RANBP2: variants seen among roughly 807,000 people sequenced by gnomAD.
RANBP2 encodes RAN binding protein 2.
RANBP2 carries 57 observed loss-of-function variants against 303.6 expected under a neutral mutation model. That is an observed-to-expected ratio of 0.19 (90% CI 0.15 to 0.23). The LOEUF is 0.23. Ranked by LOEUF, RANBP2 falls within the 10% of genes least tolerant of loss-of-function variation. The probability of loss-of-function intolerance (pLI) is 1.00; values close to 1 mark genes in which losing one functional copy is unlikely to be tolerated. For missense variants in RANBP2, 3,138 were observed against 3,780.8 expected, an observed-to-expected ratio of 0.83 and a Z score of 4.46; for synonymous variants, 1,167 against 1,301.5, an observed-to-expected ratio of 0.90 and a Z score of 2.23.
At chr2:109,535,889 G>C in the RANBP2 span, among the ~76,000 whole-genome samples, 1 of 152,190 alleles carries the variant, frequency 6.6e-6, no homozygotes, top group African/African-American at 2.4e-5. Context: ...TTTGCACTGG[G>C]AATAGAACAG....
the RANBP2 span, among the ~76,000 whole-genome samples, chr2:109,335,991 A>T: frequency 6.6e-6 from 1 of 152,200 alleles, no homozygotes. Flanking sequence ...TTGTCGAGAC[A>T]TTCGGGCTGA....
At chr2:109,612,943 G>A in the RANBP2 span, among the ~76,000 whole-genome samples, 2 of 152,210 alleles carry the variant, frequency 1.3e-5, no homozygotes, top group African/African-American at 4.8e-5. Context: ...TCATGTAGGA[G>A]GTTGCTTAGT....
chr2:109,496,751 A>G, the RANBP2 span, among the ~76,000 whole-genome samples: 3 of 151,120 alleles, frequency 2.0e-5, no homozygotes, highest in African/African-American at 7.3e-5. Context: ...AACCCTAAAA[A>G]CTCATGACTA....
At chr2:108,758,727 C>G (rs1312104470) in intron 18 of RANBP2, among the ~76,000 whole-genome samples, 179 bp downstream of exon 18, 2 of 149,132 alleles carry the variant, frequency 1.3e-5, no homozygotes, top group Non-Finnish European at 3.0e-5. Flanking sequence ...TAATCCCAAG[C>G]AGAAAAAACG....
At chr2:109,011,831 G>C in the RANBP2 span, among the ~76,000 whole-genome samples, 1 of 151,928 alleles carries the variant, frequency 6.6e-6, no homozygotes, top group East Asian at 1.9e-4. Context: ...TAATTCTCTA[G>C]TCATTCCTTG....
the RANBP2 span, among the ~76,000 whole-genome samples, chr2:109,086,296 G>T: frequency 6.6e-6 from 1 of 152,116 alleles, no homozygotes; most frequent in Admixed American, 6.5e-5. Context: ...CATTGTAAAG[G>T]CACTTGTTCA....
At chr2:109,635,733 A>G in the RANBP2 span, among the ~76,000 whole-genome samples, 72 of 152,378 alleles carry the variant, frequency 4.7e-4, no homozygotes, top group Middle Eastern at 3.4e-3. Flanking sequence ...CTGTGCCTCA[A>G]AAAGAATTCA....
At chr2:109,274,651 T>C in the RANBP2 span, among the ~76,000 whole-genome samples, 1 of 152,218 alleles carries the variant, frequency 6.6e-6, no homozygotes, top group Non-Finnish European at 1.5e-5. Context: ...GGAGCAGAAT[T>C]ACTTCACGGG....
the RANBP2 span, among the ~76,000 whole-genome samples, chr2:109,043,131 A>G: frequency 6.6e-6 from 1 of 152,204 alleles, no homozygotes; most frequent in African/African-American, 2.4e-5. Flanking sequence ...GCCCACAAGC[A>G]TCTACAGGAG....
At chr2:109,425,888 CT>C in the RANBP2 span, among the ~76,000 whole-genome samples, 2 of 151,876 alleles carry the variant, frequency 1.3e-5, no homozygotes, top group African/African-American at 4.8e-5. Context: ...ACATCTTTTT[CT>C]TTCTTTCTTT....
chr2:109,355,601 G>A, the RANBP2 span, among the ~76,000 whole-genome samples: 61 of 152,256 alleles, frequency 4.0e-4, no homozygotes, highest in African/African-American at 1.5e-3. Flanking sequence ...CAGGGCCAAG[G>A]GCACAGGTGT....
chr2:109,187,250 A>G, the RANBP2 span, among the ~76,000 whole-genome samples: 8 of 152,234 alleles, frequency 5.3e-5, no homozygotes, highest in Admixed American at 6.5e-5. Context: ...TGAAATTCCT[A>G]TAATTGCACA....
the RANBP2 span, chr2:109,618,793 AGT>A: frequency 2.3e-4 from 38 of 167,004 alleles, no homozygotes; most frequent in African/African-American, 8.9e-4. Flanking sequence ...GAAACTAGTG[AGT>A]GTTTGTCACA....
At chr2:109,180,098 G>A in the RANBP2 span, among the ~76,000 whole-genome samples, 1 of 151,984 alleles carries the variant, frequency 6.6e-6, no homozygotes, top group Non-Finnish European at 1.5e-5. Flanking sequence ...GCCTCCATGG[G>A]GTTAGGAACC....
chr2:109,312,915 C>T, the RANBP2 span, among the ~76,000 whole-genome samples: 47,421 of 151,956 alleles, frequency 0.31, 9,177 homozygotes, highest in African/African-American at 0.55. Flanking sequence ...ACGTGGTCAT[C>T]CTAGGTGTAC....
the RANBP2 span, among the ~76,000 whole-genome samples, chr2:109,553,377 T>C: frequency 4.0e-5 from 6 of 151,462 alleles, 1 homozygote; most frequent in African/African-American, 1.5e-4. Flanking sequence ...AAACCCTGTC[T>C]CTACAAAAAT....
chr2:109,364,390 C>T, the RANBP2 span, among the ~76,000 whole-genome samples: 1 of 152,208 alleles, frequency 6.6e-6, no homozygotes, highest in South Asian at 2.1e-4. Flanking sequence ...CTAGTTCAAA[C>T]ATTAAAGCCC....
the RANBP2 span, chr2:109,546,286 G>A: frequency 7.7e-7 from 1 of 1,305,002 alleles, no homozygotes; most frequent in Non-Finnish European, 1.0e-6. Context: ...CGGCAGCAGA[G>A]GCACGCTCTC....
the RANBP2 span, among the ~76,000 whole-genome samples, chr2:109,631,414 A>G: frequency 1.3e-5 from 2 of 152,246 alleles, no homozygotes; most frequent in Non-Finnish European, 2.9e-5. Flanking sequence ...AAGTGAGTTA[A>G]GTATATAGAT....
Sources: allele counts gnomAD v4.1 joint callset (sites outside exome capture counted in the v4.1 genomes callset), GRCh38; gene constraint gnomAD v4.1.1; transcripts MANE v1.5; gene names NCBI Gene and HGNC (gene_info 2026-07-23, HGNC 2026-07-21).